The following RPS6KC1 variants were observed in gnomAD, a reference collection of about 807,000 sequenced individuals.
RPS6KC1 encodes ribosomal protein S6 kinase C1, also known as inactive ribosomal protein S6 kinase delta-1.
A neutral mutation model predicts 103.8 loss-of-function variants in RPS6KC1; 54 were observed. That is an observed-to-expected ratio of 0.52 (90% CI 0.42 to 0.65). The LOEUF (loss-of-function observed/expected upper bound fraction) is 0.65. Ranked by LOEUF, RPS6KC1 falls within the 30% of genes least tolerant of loss-of-function variation. RPS6KC1 has a pLI of 0.00. For missense variants in RPS6KC1, 1,151 were observed against 1,253.8 expected, an observed-to-expected ratio of 0.92 and a Z score of 1.24; for synonymous variants, 439 against 438.7, an observed-to-expected ratio of 1.00 and a Z score of -0.01.
intron 8 of RPS6KC1, among the ~76,000 whole-genome samples, chr1:213,209,849 G>A (rs566977000): frequency 8.5e-5 from 13 of 152,210 alleles, no homozygotes; most frequent in African/African-American, 2.9e-4. Flanking sequence ...TTTTGGGAAA[G>A]GGGTGTGAAT....
the RPS6KC1 span, among the ~76,000 whole-genome samples, chr1:213,335,758 AAGG>A: frequency 6.1e-4 from 93 of 152,346 alleles, no homozygotes; most frequent in South Asian, 4.1e-4. Flanking sequence ...GAGCTGATGT[AAGG>A]AGAGAGCTAG....
the RPS6KC1 span, chr1:213,841,044 A>C: frequency 6.6e-6 from 1 of 152,160 alleles, no homozygotes; most frequent in Non-Finnish European, 1.5e-5. Context: ...TCACTTCTCT[A>C]TGGTCTCCCA....
chr1:213,245,763 C>A (rs866147603), intron 12 of RPS6KC1, among the ~76,000 whole-genome samples: 126 of 152,012 alleles, frequency 8.3e-4, no homozygotes, highest in African/African-American at 5.3e-4. Flanking sequence ...AAAGAAAAAA[C>A]ACACACACAG....
At chr1:213,108,653 C>CTT (rs377331105) in intron 4 of RPS6KC1, among the ~76,000 whole-genome samples, 17 of 135,656 alleles carry the variant, frequency 1.3e-4, no homozygotes, top group African/African-American at 1.9e-4. Context: ...TATTTTACTT[C>CTT]TTTTTTTTTT....
At chr1:213,168,723 C>T (rs1436296639) in intron 7 of RPS6KC1, among the ~76,000 whole-genome samples, 3 of 151,838 alleles carry the variant, frequency 2.0e-5, no homozygotes, top group African/African-American at 7.3e-5. Flanking sequence ...CCCGGGTTCA[C>T]GCCATTCTCC....
At chr1:213,834,175 G>C in the RPS6KC1 span, among the ~76,000 whole-genome samples, 1 of 152,086 alleles carries the variant, frequency 6.6e-6, no homozygotes, top group Admixed American at 6.6e-5. Context: ...AAGTAGCTGG[G>C]ACTACAGGTA....
chr1:213,266,483 G>T (rs2094914708), intron 14 of RPS6KC1, among the ~76,000 whole-genome samples: 1 of 152,154 alleles, frequency 6.6e-6, no homozygotes, highest in South Asian at 2.1e-4. Context: ...GTGGCTTCAT[G>T]AGTTAGTTGG....
At chr1:213,059,576 C>T (rs186982361) in intron 1 of RPS6KC1, among the ~76,000 whole-genome samples, 211 of 152,182 alleles carry the variant, frequency 1.4e-3, no homozygotes, top group South Asian at 5.6e-3. Flanking sequence ...TGCAGTGGTG[C>T]GATCTCAGCT....
the RPS6KC1 span, among the ~76,000 whole-genome samples, chr1:213,534,882 G>C: frequency 6.6e-6 from 1 of 152,150 alleles, no homozygotes; most frequent in East Asian, 1.9e-4. Context: ...GAGCCTGCTG[G>C]TAACATTCTC....
chr1:213,396,025 G>A, the RPS6KC1 span, among the ~76,000 whole-genome samples: 2 of 152,184 alleles, frequency 1.3e-5, no homozygotes, highest in African/African-American at 4.8e-5. Context: ...GAGAGAAATG[G>A]CATTGGCAAA....
the RPS6KC1 span, among the ~76,000 whole-genome samples, chr1:213,433,008 C>G: frequency 6.6e-6 from 1 of 152,184 alleles, no homozygotes; most frequent in East Asian, 1.9e-4. Context: ...TGAAACAGCA[C>G]AAATTTATTA....
the RPS6KC1 span, among the ~76,000 whole-genome samples, chr1:213,815,439 C>G: frequency 6.6e-6 from 1 of 152,350 alleles, no homozygotes; most frequent in South Asian, 2.1e-4. Flanking sequence ...GTAAAACATT[C>G]CTGAACATAT....
the RPS6KC1 span, among the ~76,000 whole-genome samples, chr1:213,665,424 GTTCAAC>G: frequency 3.3e-5 from 5 of 151,434 alleles, no homozygotes; most frequent in Admixed American, 3.3e-4. Flanking sequence ...CCATTAAAAT[GTTCAAC>G]TTCATTAAAA....
At chr1:213,594,407 A>G in the RPS6KC1 span, among the ~76,000 whole-genome samples, 1 of 152,242 alleles carries the variant, frequency 6.6e-6, no homozygotes, top group Non-Finnish European at 1.5e-5. Context: ...AAGATACATT[A>G]TTAAATAAGT....
At chr1:213,730,162 C>G in the RPS6KC1 span, among the ~76,000 whole-genome samples, 1 of 152,114 alleles carries the variant, frequency 6.6e-6, no homozygotes, top group African/African-American at 2.4e-5. Context: ...TTTTCTTTAT[C>G]TAGTCTATCA....
chr1:213,592,358 C>T, the RPS6KC1 span, among the ~76,000 whole-genome samples: 4 of 152,258 alleles, frequency 2.6e-5, no homozygotes, highest in South Asian at 6.2e-4. Context: ...ATATATCCAG[C>T]AGTCTTATTT....
chr1:213,238,835 A>G (rs1399803970), intron 10 of RPS6KC1, among the ~76,000 whole-genome samples: 1 of 152,196 alleles, frequency 6.6e-6, no homozygotes, highest in African/African-American at 2.4e-5. Flanking sequence ...TACAAAGATG[A>G]AAAAGACTTG....
At chr1:213,370,244 TTTTA>T in the RPS6KC1 span, among the ~76,000 whole-genome samples, 2 of 148,428 alleles carry the variant, frequency 1.3e-5, no homozygotes, top group Non-Finnish European at 3.0e-5. Flanking sequence ...TGTTATTTTA[TTTTA>T]TTTATTTTAT....
intron 6 of RPS6KC1, among the ~76,000 whole-genome samples, chr1:213,159,407 G>A (rs1163249267): frequency 6.6e-6 from 1 of 152,186 alleles, no homozygotes; most frequent in African/African-American, 2.4e-5. Context: ...GGGTAAAGTA[G>A]CTGTGGAGTT....
Sources: gnomAD v4.1 joint callset for allele counts (sites outside exome capture counted in the v4.1 genomes callset) on GRCh38, gnomAD v4.1.1 for gene constraint, MANE v1.5 for transcripts, NCBI Gene and HGNC (gene_info 2026-07-23, HGNC 2026-07-21) for gene names.